The following KCNT2 variants were observed in gnomAD, a reference collection of about 807,000 sequenced individuals.
KCNT2 encodes the protein potassium sodium-activated channel subfamily T member 2.
Under a neutral mutation model 153.8 loss-of-function variants are expected in KCNT2, and 67 were observed. The observed-to-expected ratio is 0.44, with a 90% CI of 0.36 to 0.53. The LOEUF (loss-of-function observed/expected upper bound fraction) is 0.53, where lower values mean the gene tolerates loss of function less well. KCNT2 is among the 20% of genes least tolerant of loss of function. The pLI is 0.00. For synonymous variants in KCNT2, 500 were observed against 458.8 expected (o/e 1.09, Z -1.15); for missense variants, 975 against 1,354.8 (o/e 0.72, Z 4.40).
At chr1:196,411,622 A>G (rs1404563110) in intron 12 of KCNT2, among the ~76,000 whole-genome samples, 1 of 151,586 alleles carries the variant, frequency 6.6e-6, no homozygotes. Flanking sequence ...TAAGTATTTT[A>G]TTCTTTTTGA....
At chr1:196,322,460 C>T (rs1663418843) in intron 19 of KCNT2, among the ~76,000 whole-genome samples, 1 of 151,558 alleles carries the variant, frequency 6.6e-6, no homozygotes, top group South Asian at 2.1e-4. Context: ...AAAAATTCAA[C>T]AAACACAAAA....
intron 14 of KCNT2, among the ~76,000 whole-genome samples, chr1:196,354,158 T>C (rs965033425): frequency 1.3e-5 from 2 of 151,826 alleles, no homozygotes; most frequent in Non-Finnish European, 2.9e-5. Context: ...GCCATCACAC[T>C]AGAGGTAAAC....
chr1:196,247,475 A>G (rs371451374), intron 26 of KCNT2, among the ~76,000 whole-genome samples: 1 of 152,304 alleles, frequency 6.6e-6, no homozygotes. Flanking sequence ...TGGTTCTCAC[A>G]CTGCTATGAA....
chr1:196,280,102 T>G (rs538058428), intron 25 of KCNT2, among the ~76,000 whole-genome samples: 7 of 152,170 alleles, frequency 4.6e-5, no homozygotes, highest in Admixed American at 4.6e-4. Flanking sequence ...TAATTTACAT[T>G]AAATAATTTT....
chr1:196,275,805 G>C (rs1160900066), intron 25 of KCNT2, among the ~76,000 whole-genome samples: 1 of 151,914 alleles, frequency 6.6e-6, no homozygotes, highest in Non-Finnish European at 1.5e-5. Context: ...TCATAGTACA[G>C]AGTAGAATTT....
At chr1:196,303,014 TAAA>T (rs772323541) in intron 22 of KCNT2, among the ~76,000 whole-genome samples, 1 of 143,584 alleles carries the variant, frequency 7.0e-6, no homozygotes, top group African/African-American at 2.5e-5. Context: ...ATGCAAATCT[TAAA>T]AAAAAAAAAA....
intron 18 of KCNT2, among the ~76,000 whole-genome samples, chr1:196,329,174 G>A (rs1327533084): frequency 6.6e-6 from 1 of 151,972 alleles, no homozygotes; most frequent in Non-Finnish European, 1.5e-5. Flanking sequence ...ATTGGATAAG[G>A]CAATCCCAAC....
At chr1:196,240,151 G>A (rs1441730900) in intron 26 of KCNT2, among the ~76,000 whole-genome samples, 1 of 151,964 alleles carries the variant, frequency 6.6e-6, no homozygotes, top group African/African-American at 2.4e-5. Context: ...ATCATGTGTA[G>A]TCAGAGGAAC....
At chr1:196,595,141 C>T (rs1015359974) in intron 1 of KCNT2, among the ~76,000 whole-genome samples, 1 of 150,868 alleles carries the variant, frequency 6.6e-6, no homozygotes, top group Admixed American at 6.6e-5. Flanking sequence ...TGAAACTGTA[C>T]CAAGAAAGAA....
intron 1 of KCNT2, among the ~76,000 whole-genome samples, chr1:196,572,330 G>A (rs1558092323): frequency 6.6e-6 from 1 of 152,076 alleles, no homozygotes; most frequent in South Asian, 2.1e-4. Context: ...TTGGGTAGTA[G>A]TAGATGTTGG....
chr1:196,257,795 T>A (rs939728513), intron 26 of KCNT2: 1 of 984,554 alleles, frequency 1.0e-6, no homozygotes, highest in Non-Finnish European at 1.2e-6. Flanking sequence ...TTGGTTTACC[T>A]GTGGCCAATA....
At chr1:196,386,435 C>T (rs938513490) in intron 13 of KCNT2, among the ~76,000 whole-genome samples, 5 of 152,032 alleles carry the variant, frequency 3.3e-5, no homozygotes, top group Admixed American at 3.3e-4. Context: ...ATAAGTAGTG[C>T]CTTAGAACAG....
At chr1:196,325,447 A>G (rs1288831174) in intron 19 of KCNT2, among the ~76,000 whole-genome samples, 10 of 152,232 alleles carry the variant, frequency 6.6e-5, no homozygotes, top group African/African-American at 1.7e-4. Context: ...ATTTGAACTC[A>G]CACAGTTAGG....
chr1:196,461,051 G>A lies in KCNT2; in HGVS notation c.638+4242C>T, dbSNP rs1677104546. ...TAATGTGAAAAAAAACAAAAAACTA[G>A]GAACCAAATATGACAGTGGCAATTA... On this transcript the variant is annotated intron_variant, in intron 8 of 27. Transcript: ENST00000294725. 1.3e-5 allele frequency among the ~76,000 whole-genome samples: 2 copies of A among 151,448 alleles called. 1 individual carries two copies. Among genetic ancestry groups the A allele is most frequent in the Non-Finnish European group, 3.0e-5 (2 of 67,706 alleles).
At chr1:196,511,518 C>T (rs1681629579) in intron 1 of KCNT2, among the ~76,000 whole-genome samples, 1 of 152,100 alleles carries the variant, frequency 6.6e-6, no homozygotes, top group Non-Finnish European at 1.5e-5. Flanking sequence ...GACAGAGAGA[C>T]ATAATGAGAC....
intron 8 of KCNT2, among the ~76,000 whole-genome samples, chr1:196,443,550 G>A (rs1019801829): frequency 1.3e-5 from 2 of 151,492 alleles, no homozygotes; most frequent in Admixed American, 6.6e-5. Flanking sequence ...GGAAAAAACA[G>A]TTCATACCAC....
chr1:196,490,230 G>A (rs867711878), intron 2 of KCNT2, among the ~76,000 whole-genome samples: 1 of 151,532 alleles, frequency 6.6e-6, no homozygotes, highest in East Asian at 1.9e-4. Context: ...GTGTCCAATC[G>A]AGGTTGATTA....
At chr1:196,235,761 C>A (rs1183751449) in intron 27 of KCNT2, among the ~76,000 whole-genome samples, 2 of 151,342 alleles carry the variant, frequency 1.3e-5, no homozygotes, top group Non-Finnish European at 3.0e-5. Flanking sequence ...TCACATAATA[C>A]AGAATTCATG....
At chr1:196,568,592 T>G (rs1327589700) in intron 1 of KCNT2, among the ~76,000 whole-genome samples, 1 of 130,080 alleles carries the variant, frequency 7.7e-6, no homozygotes, top group Non-Finnish European at 1.7e-5. Flanking sequence ...CTAGACTCCG[T>G]CTCAAAAAAA....
Sources: gnomAD v4.1 joint callset for allele counts (sites outside exome capture counted in the v4.1 genomes callset) on GRCh38, gnomAD v4.1.1 for gene constraint, MANE v1.5 for transcripts, NCBI Gene and HGNC (gene_info 2026-07-23, HGNC 2026-07-21) for gene names.